The following MED15 variants were observed in gnomAD, a reference collection of about 807,000 sequenced individuals.
MED15 encodes mediator of RNA polymerase II transcription subunit 15.
MED15 carries 41 observed loss-of-function variants against 118.7 expected under a neutral mutation model. The observed-to-expected ratio is 0.35, with a 90% confidence interval of 0.27 to 0.45. The LOEUF is 0.45. MED15 is among the 20% of genes least tolerant of loss of function. The pLI, the probability that MED15 is intolerant of heterozygous loss-of-function variation, is 1.00. For synonymous variants in MED15, 436 were observed against 413.9 expected (o/e 1.05, Z -0.65); for missense variants, 740 against 1,025.5 (o/e 0.72, Z 3.80).
In MED15 at chr22:20,529,082, T is replaced by A. The variant is rs1469154349; in HGVS notation, c.69-8035T>A. Reference sequence around the variant, plus strand: ...CTGGTTTCTTGGTCCTCTTGCTGTGTACGTTACCACTGGGCCATCAGCTTT... The same window carrying A: ...CTGGTTTCTTGGTCCTCTTGCTGTGAACGTTACCACTGGGCCATCAGCTTT... On this transcript the variant is annotated intron_variant, in intron 1 of 17. Coordinates refer to ENST00000263205, the MANE Select transcript of MED15 (RefSeq NM_001003891.3). Among the ~76,000 whole-genome samples the A allele has an allele frequency of 2.0e-5, 3 of 152,212 alleles. No homozygotes were observed. The South Asian group carries it at 6.2e-4, about 31-fold the overall frequency.
At chr22:20,551,535 C>A (rs1254085324) in intron 3 of MED15, 48 bp downstream of exon 3, 1 of 1,555,630 alleles carries the variant, frequency 6.4e-7, no homozygotes, top group Non-Finnish European at 8.9e-7. Context: ...CTGTGAGAGG[C>A]CAGCCCTGAC....
At chr22:20,549,384 G>T (rs1235924567) in intron 2 of MED15, among the ~76,000 whole-genome samples, 1 of 151,988 alleles carries the variant, frequency 6.6e-6, no homozygotes, top group East Asian at 1.9e-4. Flanking sequence ...TGACTCTTTA[G>T]CCCTTTTTTC....
intron 1 of MED15, among the ~76,000 whole-genome samples, chr22:20,511,987 G>GTTTTTTTTT (rs1601428445): frequency 1.3e-5 from 1 of 77,812 alleles, no homozygotes; most frequent in African/African-American, 8.2e-5. Context: ...AACATTCTAA[G>GTTTTTTTTT]CTTTTTTTTT....
chr22:20,563,804 G>T (rs148958949), intron 5 of MED15, among the ~76,000 whole-genome samples: 1 of 152,194 alleles, frequency 6.6e-6, no homozygotes, highest in Non-Finnish European at 1.5e-5. Context: ...CATCTGAAGT[G>T]CTCCACTCGG....
intron 2 of MED15, among the ~76,000 whole-genome samples, chr22:20,542,018 T>A (rs1249140133): frequency 6.6e-6 from 1 of 152,114 alleles, no homozygotes; most frequent in African/African-American, 2.4e-5. Flanking sequence ...GGTCTTGAAC[T>A]CCTGACCTCA....
At chr22:20,556,321 GAC>G (rs2056004921) in intron 5 of MED15, among the ~76,000 whole-genome samples, 1 of 144,068 alleles carries the variant, frequency 6.9e-6, no homozygotes, top group African/African-American at 2.6e-5. Context: ...TTTTTTTTGA[GAC>G]AGAGTTTCAC....
intron 1 of MED15, among the ~76,000 whole-genome samples, chr22:20,515,696 G>C (rs927820953): frequency 6.6e-6 from 1 of 151,738 alleles, no homozygotes; most frequent in Non-Finnish European, 1.5e-5. Flanking sequence ...TGAGGCAGGA[G>C]AATCGCTTAA....
chr22:20,531,092 C>CA (rs1468683756), intron 1 of MED15, among the ~76,000 whole-genome samples: 3 of 152,198 alleles, frequency 2.0e-5, no homozygotes, highest in African/African-American at 7.2e-5. Context: ...GAGGCGCTGC[C>CA]AGATGGGTTG....
intron 13 of MED15, 150 bp from the exon 14 acceptor site, chr22:20,584,208 CT>C: frequency 1.3e-6 from 1 of 752,324 alleles, no homozygotes. Flanking sequence ...GGCTGCCTGC[CT>C]TCAACTCTGG....
chr22:20,508,218 G>T (rs982180744), intron 1 of MED15: 1 of 1,241,650 alleles, frequency 8.1e-7, no homozygotes, highest in Non-Finnish European at 1.0e-6. Flanking sequence ...GGTGTGGGCG[G>T]TGGGACGGAG....
chr22:20,580,324 T>C (rs948480751), intron 9 of MED15, among the ~76,000 whole-genome samples: 1 of 152,172 alleles, frequency 6.6e-6, no homozygotes, highest in Non-Finnish European at 1.5e-5. Flanking sequence ...ATGAGGGCTG[T>C]GTGGTGGCCT....
At chr22:20,515,109 C>A (rs1449582122) in intron 1 of MED15, among the ~76,000 whole-genome samples, 3 of 152,208 alleles carry the variant, frequency 2.0e-5, no homozygotes, top group Non-Finnish European at 4.4e-5. Context: ...GCCTCTAGGC[C>A]AGTCGTGACA....
At chr22:20,579,735 T>C (rs1052826087) in intron 9 of MED15, among the ~76,000 whole-genome samples, 7 of 152,236 alleles carry the variant, frequency 4.6e-5, no homozygotes, top group Admixed American at 1.3e-4. Context: ...GTGGTGTTGC[T>C]GGGGTGTTGA....
intron 1 of MED15, among the ~76,000 whole-genome samples, chr22:20,520,982 C>T (rs559298101): frequency 6.6e-6 from 1 of 151,808 alleles, no homozygotes; most frequent in Admixed American, 6.6e-5. Flanking sequence ...TCAAGCAATC[C>T]ACCTGCTTCA....
At chr22:20,549,822 G>A (rs2055700125) in intron 2 of MED15, among the ~76,000 whole-genome samples, 1 of 152,172 alleles carries the variant, frequency 6.6e-6, no homozygotes, top group Admixed American at 6.5e-5. Flanking sequence ...GGGCACTGCA[G>A]GATGATGATG....
intron 1 of MED15, 114 bp downstream of exon 1, chr22:20,507,860 C>A (rs2053922527): frequency 6.6e-7 from 1 of 1,524,076 alleles, no homozygotes; most frequent in Non-Finnish European, 8.8e-7. Context: ...CAGAAGGCGC[C>A]GGGGACTTGC....
chr22:20,526,374 T>A (rs540613839), intron 1 of MED15, among the ~76,000 whole-genome samples: 3 of 152,226 alleles, frequency 2.0e-5, no homozygotes, highest in Non-Finnish European at 4.4e-5. Flanking sequence ...TTTTGCAACT[T>A]GGCGTTTTAC....
At chr22:20,517,560 T>G (rs988212523) in intron 1 of MED15, among the ~76,000 whole-genome samples, 3 of 152,190 alleles carry the variant, frequency 2.0e-5, no homozygotes, top group Non-Finnish European at 4.4e-5. Context: ...TTCACAGGCT[T>G]GGTGAGGAGT....
At chr22:20,528,165 G>C (rs1269958261) in intron 1 of MED15, among the ~76,000 whole-genome samples, 1 of 152,028 alleles carries the variant, frequency 6.6e-6, no homozygotes, top group Non-Finnish European at 1.5e-5. Flanking sequence ...GCTGCCCTTG[G>C]CTGGTTGCTC....
Sources: allele counts gnomAD v4.1 joint callset (sites outside exome capture counted in the v4.1 genomes callset), GRCh38; gene constraint gnomAD v4.1.1; transcripts MANE v1.5; gene names NCBI Gene and HGNC (gene_info 2026-07-23, HGNC 2026-07-21).